The following STAG1 variants were observed in gnomAD, a reference collection of about 807,000 sequenced individuals.
The protein encoded by STAG1 is cohesin subunit SA-1.
In STAG1, 26 loss-of-function variants were observed where a neutral mutation model predicts 170.9. The observed-to-expected ratio is 0.15, with a 90% confidence interval of 0.11 to 0.21. The LOEUF is 0.21. STAG1 is among the 10% of genes least tolerant of loss of function. STAG1 has a pLI of 1.00. For synonymous variants in STAG1, 514 were observed against 497.7 expected (o/e 1.03, Z -0.44); for missense variants, 964 against 1,509.5 (o/e 0.64, Z 5.99).
At chr3:136,747,902 C>G (rs1009755578) in intron 1 of STAG1, among the ~76,000 whole-genome samples, 3 of 150,650 alleles carry the variant, frequency 2.0e-5, no homozygotes, top group African/African-American at 4.9e-5. Flanking sequence ...TCAGCCTCCC[C>G]GGTAGCTAGG....
At chr3:136,609,501 C>G (rs1939147283) in intron 3 of STAG1, 1 of 152,402 alleles carries the variant, frequency 6.6e-6, no homozygotes, top group Non-Finnish European at 1.5e-5. Context: ...AGAGGCTGAT[C>G]AGGCTAACCA....
intron 20 of STAG1, 77 bp from the exon 21 acceptor site, chr3:136,418,049 G>T: frequency 8.9e-7 from 1 of 1,125,574 alleles, no homozygotes; most frequent in Non-Finnish European, 1.3e-6. Context: ...CAGGTGAGTG[G>T]AAGAATAAAA....
chr3:136,602,458 T>C (rs1938719851), intron 4 of STAG1, among the ~76,000 whole-genome samples: 1 of 151,976 alleles, frequency 6.6e-6, no homozygotes, highest in African/African-American at 2.4e-5. Context: ...AAAATACATT[T>C]CTGTCATTTT....
intron 21 of STAG1, among the ~76,000 whole-genome samples, chr3:136,406,755 TAA>T (rs1364861278): frequency 6.6e-6 from 1 of 152,106 alleles, no homozygotes; most frequent in Non-Finnish European, 1.5e-5. Context: ...TGCTATATCA[TAA>T]GTTAAAAAAA....
intron 1 of STAG1, among the ~76,000 whole-genome samples, chr3:136,685,452 A>G (rs1942485546): frequency 6.6e-6 from 1 of 152,246 alleles, no homozygotes; most frequent in Non-Finnish European, 1.5e-5. Flanking sequence ...TATTCTTTTC[A>G]TAAGATCCAG....
intron 3 of STAG1, among the ~76,000 whole-genome samples, chr3:136,619,468 C>T (rs1269110927): frequency 6.6e-6 from 1 of 151,716 alleles, no homozygotes; most frequent in Admixed American, 6.6e-5. Flanking sequence ...ATGTTAAACA[C>T]ATCTTTAGGC....
intron 14 of STAG1, among the ~76,000 whole-genome samples, chr3:136,448,344 T>TG: frequency 6.6e-6 from 1 of 152,280 alleles, no homozygotes; most frequent in Admixed American, 6.5e-5. Context: ...AGAGATTTAA[T>TG]GGACTCACAA....
rs556873041 is a variant in STAG1 at position 136,556,807 on chromosome 3, C to A, written c.394+11958G>T. Among the ~76,000 whole-genome samples, 9 of 152,024 alleles carry A rather than the reference C, an allele frequency of 5.9e-5. No individual in the cohort carries two copies. In the South Asian group the frequency reaches 1.5e-3, roughly 25 times the overall value. ...CATGTTGCCCAGGCTGGACACCAATCCCTGGGCTCAAGAGATTCACCCACC... is the reference window on the plus strand; with the variant it reads ...CATGTTGCCCAGGCTGGACACCAATACCTGGGCTCAAGAGATTCACCCACC... On this transcript the variant is annotated intron_variant, in intron 5 of 33. Transcript: ENST00000383202.
intron 3 of STAG1, among the ~76,000 whole-genome samples, chr3:136,620,166 G>T (rs539134816): frequency 5.3e-4 from 80 of 152,052 alleles, no homozygotes; most frequent in Non-Finnish European, 9.3e-4. Flanking sequence ...TTTTTGACTG[G>T]CTAAATGAAA....
rs1449055293 is a variant in STAG1 at position 136,337,821 on chromosome 3, C to CATAA, written c.*429_*432dup. 6.5e-6 allele frequency: 1 copy of CATAA among 154,242 alleles called. No homozygotes were observed. Among genetic ancestry groups the CATAA allele is most frequent in the African/African-American group, 2.4e-5 (1 of 41,492 alleles). 9.6% of individuals were successfully genotyped at this position (154,242 alleles called of 1,614,324 possible). A position where few individuals can be genotyped will look rare whatever the true frequency, so the allele number is the denominator to read the frequency against. On this transcript the variant is annotated 3_prime_UTR_variant, in exon 34 of 34. Transcript: ENST00000383202. ...TAATAAAAATGGTTAGCTTTTAAAA[C>CATAA]ATAAAAAGGCAAAATGTTAAAACGG...
At chr3:136,707,970 A>C (rs1315929016) in intron 1 of STAG1, among the ~76,000 whole-genome samples, 1 of 152,160 alleles carries the variant, frequency 6.6e-6, no homozygotes, top group African/African-American at 2.4e-5. Context: ...GCAGGCGGCT[A>C]TATTTTTTTA....
intron 1 of STAG1, among the ~76,000 whole-genome samples, chr3:136,662,737 A>G (rs950579302): frequency 1.3e-5 from 2 of 152,148 alleles, no homozygotes; most frequent in African/African-American, 4.8e-5. Context: ...AAGCCACCGC[A>G]CCCAGCCTTA....
chr3:136,684,236 T>A (rs1167146054), intron 1 of STAG1, among the ~76,000 whole-genome samples: 1 of 152,192 alleles, frequency 6.6e-6, no homozygotes, highest in South Asian at 2.1e-4. Context: ...TGAAGTAGTA[T>A]AACAGAACAA....
At chr3:136,559,566 TTG>T (rs1936756968) in intron 5 of STAG1, among the ~76,000 whole-genome samples, 1 of 152,192 alleles carries the variant, frequency 6.6e-6, no homozygotes, top group South Asian at 2.1e-4. Context: ...GGTCAGTCAC[TTG>T]TTAAAGCCAT....
chr3:136,423,468 C>T (rs1270507459), intron 16 of STAG1, among the ~76,000 whole-genome samples: 1 of 152,142 alleles, frequency 6.6e-6, no homozygotes, highest in East Asian at 1.9e-4. Flanking sequence ...AAAGCACACA[C>T]TAATAATATC....
intron 1 of STAG1, among the ~76,000 whole-genome samples, chr3:136,733,260 T>C (rs1559979269): frequency 6.6e-6 from 1 of 151,936 alleles, no homozygotes; most frequent in East Asian, 1.9e-4. Context: ...AATTTTTGTA[T>C]TTTTTTGTAG....
intron 11 of STAG1, among the ~76,000 whole-genome samples, chr3:136,473,337 C>T (rs148173776): frequency 0.011 from 1,602 of 152,168 alleles, 29 homozygotes; most frequent in African/African-American, 0.036. Context: ...TGAATCATCC[C>T]GAAACCATCC....
intron 1 of STAG1, among the ~76,000 whole-genome samples, chr3:136,642,346 A>G (rs969853204): frequency 1.5e-5 from 2 of 131,410 alleles, no homozygotes; most frequent in Non-Finnish European, 3.0e-5. Flanking sequence ...ATCTTAGCTC[A>G]CTGCAACCTC....
chr3:136,498,213 TA>T, intron 9 of STAG1, among the ~76,000 whole-genome samples: 1 of 38,884 alleles, frequency 2.6e-5, no homozygotes. Flanking sequence ...AAAAAAATTA[TA>T]TATATATATA....
Sources: allele counts gnomAD v4.1 joint callset (sites outside exome capture counted in the v4.1 genomes callset), GRCh38; gene constraint gnomAD v4.1.1; transcripts MANE v1.5; gene names NCBI Gene and HGNC (gene_info 2026-07-23, HGNC 2026-07-21).